Variants in ZNF827 observed in about 807,000 individuals in gnomAD.
ZNF827 encodes the protein zinc finger protein 827.
A neutral mutation model predicts 102.4 loss-of-function variants in ZNF827; 13 were observed. That is an observed-to-expected ratio of 0.13 (90% CI 0.08 to 0.20). The LOEUF (loss-of-function observed/expected upper bound fraction) is 0.20, where lower values mean the gene tolerates loss of function less well. ZNF827 is among the 10% of genes least tolerant of loss of function. The pLI is 1.00. For synonymous variants in ZNF827, 523 were observed against 536.2 expected (o/e 0.98, Z 0.34); for missense variants, 1,103 against 1,344.4 (o/e 0.82, Z 2.81).
chr4:145,914,995 A>T lies in ZNF827; in HGVS notation c.44-11780T>A, dbSNP rs577234985. ...GTGTTGCTAAAACAGAATACTTAAG[A>T]CTGGGTAATTTATAAGGAACAGAAA... On this transcript the variant is annotated intron_variant, in intron 1 of 14. Transcript: ENST00000508784. Among the ~76,000 whole-genome samples, 3 of 152,306 alleles carry T rather than the reference A, an allele frequency of 2.0e-5. No individual in the cohort carries two copies. In the South Asian group the frequency reaches 6.2e-4, roughly 32 times the overall value.
intron 7 of ZNF827, among the ~76,000 whole-genome samples, chr4:145,840,567 A>G (rs1745309709): frequency 1.3e-5 from 2 of 152,208 alleles, no homozygotes; most frequent in South Asian, 4.1e-4. Flanking sequence ...GGGTAAAGAG[A>G]ATATATGGAG....
intron 7 of ZNF827, among the ~76,000 whole-genome samples, chr4:145,827,014 T>TG (rs1743752563): frequency 6.6e-6 from 1 of 152,142 alleles, no homozygotes; most frequent in Non-Finnish European, 1.5e-5. Flanking sequence ...CCCAAAGTGC[T>TG]GGGATTACAG....
In ZNF827 at chr4:145,902,045, C is replaced by T. The variant is rs1751454989; in HGVS notation, c.1093+121G>A. The stretch of plus-strand genomic sequence containing the variant: ...TTACTTAAAGTATTTTTGTTGTGCT[C>T]TTGCTTTTTTATTCCTGCCTCAGAT... On this transcript the variant is annotated intron_variant, in intron 2 of 14. Transcript: ENST00000508784. The surrounding 1 kb of genome is among the most constrained non-coding windows in gnomAD (Gnocchi z 4.3). 19 of 1,311,954 alleles carry T rather than the reference C, an allele frequency of 1.4e-5. No individual in the cohort carries two copies. Among genetic ancestry groups the T allele is most frequent in the East Asian group, 2.4e-5 (1 of 41,174 alleles). The allele number at this position is 1,311,954 out of a possible 1,614,324, so 81.3% of individuals were successfully genotyped here. A position where few individuals can be genotyped will look rare whatever the true frequency, so the allele number is the denominator to read the frequency against.
chr4:145,887,541 A>T (rs1339401054), intron 3 of ZNF827, among the ~76,000 whole-genome samples: 3 of 152,184 alleles, frequency 2.0e-5, no homozygotes, highest in South Asian at 4.1e-4. Flanking sequence ...GAGTTTCTTA[A>T]CAGAAATAGC....
chr4:145,893,951 A>T (rs977852038), intron 2 of ZNF827, among the ~76,000 whole-genome samples: 7 of 152,204 alleles, frequency 4.6e-5, no homozygotes, highest in Non-Finnish European at 8.8e-5. Context: ...ATACAAAAAA[A>T]AAAAGCAAGG....
rs11731689 is a variant in ZNF827 at position 145,898,465 on chromosome 4, T to G, written c.1093+3701A>C. 8.4e-3 allele frequency among the ~76,000 whole-genome samples: 1,284 copies of G among 152,324 alleles called. 9 individuals carry two copies. The highest frequency in any genetic ancestry group is 0.013 in the Non-Finnish European group (885 of 68,028). ...GGAGTCTGGCATCCTGGGAATCTTG[T>G]TGGCCTTCTACAAGAAACTTTGTCT... is the stretch of plus-strand genomic sequence containing the variant. On this transcript the variant is annotated intron_variant, in intron 2 of 14. Transcript: ENST00000508784.
intron 7 of ZNF827, among the ~76,000 whole-genome samples, chr4:145,830,069 T>C (rs371216992): frequency 6.6e-6 from 1 of 152,216 alleles, no homozygotes; most frequent in East Asian, 1.9e-4. Flanking sequence ...AATCTGACTT[T>C]AGTTCAAACA....
rs550360065 is a variant in ZNF827 at position 145,768,067 on chromosome 4, G to A, written c.2861-2329C>T. ...GTAAACATATGACAATAGTATAAAC[G>A]CTAGGAGGAGAGAAATGGAAGTCTA... On this transcript the variant is annotated intron_variant, in intron 11 of 14. Coordinates refer to ENST00000508784, the MANE Select transcript of ZNF827 (RefSeq NM_001306215.2). Among the ~76,000 whole-genome samples the A allele has an allele frequency of 4.6e-5, 7 of 152,264 alleles. No homozygotes were observed. The East Asian group carries it at 1.3e-3, about 29-fold the overall frequency.
intron 3 of ZNF827, among the ~76,000 whole-genome samples, chr4:145,888,616 TCATGAGAAGTTAGAG>T (rs573802432): frequency 7.4e-4 from 112 of 152,322 alleles, no homozygotes; most frequent in African/African-American, 2.6e-3. Flanking sequence ...GTGAGGGCCT[TCATGAGAAGTTAGAG>T]CTCCTTAAAT....
rs1394562826 is a variant in ZNF827 at position 145,768,119 on chromosome 4, T to C, written c.2861-2381A>G. ...TTGCGTGAGGTTCTTATACAACATA[T>C]GAAGTGGTTTAATCAATCATTTGAA... On this transcript the variant is annotated intron_variant, in intron 11 of 14. Coordinates refer to ENST00000508784, the MANE Select transcript of ZNF827 (RefSeq NM_001306215.2). Among the ~76,000 whole-genome samples the C allele has an allele frequency of 2.0e-5, 3 of 152,158 alleles. No individual in the cohort carries two copies. In the East Asian group the frequency reaches 5.8e-4, roughly 29 times the overall value.
At position 145,885,805 on chromosome 4, in the gene ZNF827, A is replaced by G. The variant is rs371999666; in HGVS notation, c.1620T>C (p.Ala540=). 1.9e-6 allele frequency: 3 copies of G among 1,613,634 alleles called. No individual in the cohort carries two copies. In the African/African-American group the frequency reaches 4.0e-5, roughly 22 times the overall value. ...NGLPTSFTLN[A]ADRPANHTKL... ...TTGTGTGGTTGGCGGGCCTGTCGGC[A>G]GCATTCAAAGTAAAGGAGGTGGGCA... Residue 540 remains alanine (A), a synonymous_variant, in exon 4 of 15, where the codon GCT becomes GCC. Transcript: ENST00000508784.
chr4:145,873,743 C>T (rs1748910240), intron 4 of ZNF827, among the ~76,000 whole-genome samples: 1 of 152,176 alleles, frequency 6.6e-6, no homozygotes, highest in African/African-American at 2.4e-5. Flanking sequence ...CTCCCCTTTG[C>T]ACCTTTCCCC....
chr4:145,903,090 C>T lies in ZNF827; in HGVS notation c.169G>A (p.Glu57Lys), dbSNP rs995380257. ...GTGGACTGCTCCTGGATCCGGTCCTCCAGAGACAACTTATAGTTCTCCTGG... is the reference window on the plus strand; with the variant it reads ...GTGGACTGCTCCTGGATCCGGTCCTTCAGAGACAACTTATAGTTCTCCTGG... ...EVQENYKLSLEDRIQEQSTSP... is the reference protein window; with the variant it reads ...EVQENYKLSLKDRIQEQSTSP... Residue 57 changes from glutamate to lysine, a missense_variant, in exon 2 of 15, where the codon GAG becomes AAG. Physicochemically the swap from Glu to Lys is moderately conservative, Grantham distance 56. Around this residue, in one of 5 missense-constraint regions of ZNF827, gnomAD observed 441 missense variants for 458.6 expected, o/e 0.96. Transcript: ENST00000508784. 2.5e-6 allele frequency: 4 copies of T among 1,614,084 alleles called. No individual in the cohort carries two copies. In the African/African-American group the frequency reaches 5.3e-5, roughly 22 times the overall value.
At chr4:145,813,094 C>T (rs1742205964) in intron 8 of ZNF827, among the ~76,000 whole-genome samples, 1 of 152,192 alleles carries the variant, frequency 6.6e-6, no homozygotes, top group Non-Finnish European at 1.5e-5. Flanking sequence ...TAGTCACTGA[C>T]ATCCTCTGCT....
intron 8 of ZNF827, among the ~76,000 whole-genome samples, chr4:145,808,137 C>CAA (rs141134449): frequency 5.5e-5 from 8 of 144,244 alleles, no homozygotes; most frequent in East Asian, 2.0e-4. Flanking sequence ...AATTAGTGAG[C>CAA]AAAAAAAAAA....
At chr4:145,920,476 T>G (rs1752981719) in intron 1 of ZNF827, among the ~76,000 whole-genome samples, 1 of 152,194 alleles carries the variant, frequency 6.6e-6, no homozygotes, top group African/African-American at 2.4e-5. Flanking sequence ...GCCTCTGCTC[T>G]TCTGGGCAAG....
chr4:145,871,770 AC>A (rs1316762247), intron 4 of ZNF827, among the ~76,000 whole-genome samples: 1 of 152,104 alleles, frequency 6.6e-6, no homozygotes, highest in Non-Finnish European at 1.5e-5. Context: ...TCCATCTCAT[AC>A]CCCTGTAAGA....
intron 7 of ZNF827, among the ~76,000 whole-genome samples, chr4:145,826,532 T>C (rs897045142): frequency 1.3e-5 from 2 of 152,204 alleles, no homozygotes; most frequent in African/African-American, 2.4e-5. Flanking sequence ...ATAAGATATT[T>C]TGAGAGCGAG....
chr4:145,821,773 G>A (rs1334059560), intron 8 of ZNF827, among the ~76,000 whole-genome samples: 1 of 152,078 alleles, frequency 6.6e-6, no homozygotes. Context: ...AATGTCTAAC[G>A]TAAGTTTATC....
Sources: gnomAD v4.1 joint callset for allele counts (sites outside exome capture counted in the v4.1 genomes callset) on GRCh38, gnomAD v4.1.1 for gene constraint, gnomAD v4.1.1 regional missense constraint, Gnocchi (gnomAD v3.1) non-coding constraint, MANE v1.5 for transcripts, NCBI Gene and HGNC (gene_info 2026-07-23, HGNC 2026-07-21) for gene names.